The following PXDN variants were observed in gnomAD, a reference collection of about 807,000 sequenced individuals.
PXDN encodes the protein peroxidasin homolog.
PXDN carries 77 observed loss-of-function variants against 140.3 expected under a neutral mutation model. The observed-to-expected ratio is 0.55, with a 90% CI of 0.46 to 0.66. The LOEUF is 0.66. Among genes scored for constraint, PXDN ranks in the 30% least tolerant of loss-of-function variants. The pLI, the probability that PXDN is intolerant of heterozygous loss-of-function variation, is 0.00. For missense variants in PXDN, 1,838 were observed against 2,039.5 expected, an observed-to-expected ratio of 0.90 and a Z score of 1.90; for synonymous variants, 911 against 857.4, an observed-to-expected ratio of 1.06 and a Z score of -1.09.
intron 1 of PXDN, among the ~76,000 whole-genome samples, chr2:1,706,973 G>A (rs1053248185): frequency 7.2e-6 from 1 of 138,416 alleles, no homozygotes; most frequent in South Asian, 2.5e-4. Flanking sequence ...CCGAGAGCAC[G>A]CTTCACTGTT....
intron 22 of PXDN, among the ~76,000 whole-genome samples, chr2:1,634,803 A>G (rs1202950233): frequency 6.6e-6 from 1 of 152,174 alleles, no homozygotes; most frequent in Non-Finnish European, 1.5e-5. Flanking sequence ...CCCAATGGCC[A>G]TGGCAAGAGA....
At chr2:1,743,663 G>A (rs1372476532) in intron 1 of PXDN, among the ~76,000 whole-genome samples, 1 of 128,996 alleles carries the variant, frequency 7.8e-6, no homozygotes, top group Non-Finnish European at 1.7e-5. Context: ...AGGAGGAGGG[G>A]AAGGGAGGAG....
Position 1,654,409 on chromosome 2 carries a change from A to C in PXDN, c.1937T>G (p.Leu646Trp). ...DRAINSTRTH[L>W]FDSRPRSPND... ...TACAGCCCCACGATACCTGTCAAACAAATGTGTTCGGGTTGAGTTTATAGC... is the reference window on the plus strand; with the variant it reads ...TACAGCCCCACGATACCTGTCAAACCAATGTGTTCGGGTTGAGTTTATAGC... Residue 646 changes from leucine to tryptophan, a missense_variant, in exon 15 of 23, where the codon TTG becomes TGG. Around this residue, in one of 5 missense-constraint regions of PXDN, gnomAD observed 537 missense variants for 583.9 expected, o/e 0.92. Transcript: ENST00000252804. 6.2e-7 allele frequency: 1 copy of C among 1,612,228 alleles called. No individual in the cohort carries two copies. The highest frequency in any genetic ancestry group is 8.5e-7 in the Non-Finnish European group (1 of 1,178,268).
chr2:1,742,135 G>A (rs1685558479), intron 1 of PXDN, among the ~76,000 whole-genome samples: 1 of 152,220 alleles, frequency 6.6e-6, no homozygotes, highest in Admixed American at 6.5e-5. Flanking sequence ...CTGGCCACCA[G>A]CGCTACGCTC....
chr2:1,654,754 T>C (rs867917811), intron 14 of PXDN, among the ~76,000 whole-genome samples: 6 of 152,210 alleles, frequency 3.9e-5, no homozygotes. Context: ...GAAGTAGTTA[T>C]AATGTGAAGC....
At chr2:1,647,251 GA>G (rs924874313) in intron 17 of PXDN, among the ~76,000 whole-genome samples, 1 of 151,882 alleles carries the variant, frequency 6.6e-6, no homozygotes, top group Middle Eastern at 3.4e-3. Flanking sequence ...GAAATAACAT[GA>G]AAAAAAAGGT....
At chr2:1,666,913 A>G (rs1311092261) in intron 9 of PXDN, among the ~76,000 whole-genome samples, 3 of 152,240 alleles carry the variant, frequency 2.0e-5, no homozygotes, top group Non-Finnish European at 4.4e-5. Flanking sequence ...AATGCAAATT[A>G]AAAGTAAGCA....
chr2:1,654,010 G>A (rs1483258810), intron 15 of PXDN: 1 of 555,092 alleles, frequency 1.8e-6, no homozygotes, highest in Non-Finnish European at 3.1e-6. Flanking sequence ...TAAGTCAATA[G>A]AGAAAATCAC....
intron 9 of PXDN, among the ~76,000 whole-genome samples, chr2:1,671,857 G>A (rs1683586025): frequency 6.6e-6 from 1 of 152,166 alleles, no homozygotes; most frequent in South Asian, 2.1e-4. Flanking sequence ...CTCTGCCATG[G>A]TAGCATACAA....
chr2:1,744,150 G>A (rs1685631678), intron 1 of PXDN, 106 bp downstream of exon 1: 1 of 920,406 alleles, frequency 1.1e-6, no homozygotes, highest in Non-Finnish European at 1.4e-6. Context: ...CCGCGCGCCC[G>A]ATGCCCCCTC....
chr2:1,681,727 G>A (rs775138459), intron 6 of PXDN, among the ~76,000 whole-genome samples: 157 of 152,206 alleles, frequency 1.0e-3, no homozygotes, highest in Non-Finnish European at 2.0e-3. Context: ...TGTCAGCCAC[G>A]TGCCCAGGGC....
chr2:1,744,238 G>A lies in PXDN; in HGVS notation c.200+18C>T. ...AAGCCCCGGACCCCGCGCCCCCGGC[G>A]TCCCCCGCGGCACTCACAGGATGGA... On this transcript the variant is annotated intron_variant, in intron 1 of 22. Transcript: ENST00000252804. 2 of 1,464,968 alleles carry A rather than the reference G, an allele frequency of 1.4e-6. No homozygotes were observed. Among genetic ancestry groups the A allele is most frequent in the Non-Finnish European group, 9.0e-7 (1 of 1,110,382 alleles). The allele number at this position is 1,464,968 out of a possible 1,614,324, so 90.7% of individuals were successfully genotyped here.
intron 1 of PXDN, among the ~76,000 whole-genome samples, chr2:1,726,669 A>T (rs1685193733): frequency 6.6e-6 from 1 of 152,182 alleles, no homozygotes; most frequent in Admixed American, 6.5e-5. Flanking sequence ...ACTGAGCTGT[A>T]TGAGTTCCTT....
chr2:1,635,743 A>G (rs930792297), intron 21 of PXDN: 24 of 540,618 alleles, frequency 4.4e-5, no homozygotes, highest in Non-Finnish European at 8.0e-5. Context: ...GTGCTGTCAA[A>G]TAAAAACCGT....
chr2:1,743,690 AGG>A (rs1685607237), intron 1 of PXDN, among the ~76,000 whole-genome samples: 1 of 23,860 alleles, frequency 4.2e-5, no homozygotes, highest in African/African-American at 1.7e-4. Context: ...GAAGGGGAGG[AGG>A]AGGAGGAAGG....
intron 1 of PXDN, among the ~76,000 whole-genome samples, chr2:1,731,774 G>C (rs568474919): frequency 1.3e-5 from 2 of 152,176 alleles, no homozygotes; most frequent in Admixed American, 1.3e-4. Flanking sequence ...ACATTTGCAC[G>C]GGGTTTTGTG....
rs1437076424 is a variant in PXDN at position 1,649,527 on chromosome 2, C to A, written c.2253G>T (p.Leu751=). ...YRTHDGTCNN[L]QHPMWGASLT... Reference sequence around the variant, plus strand: ...GCGAGGCGCCCCACATGGGGTGCTGCAGGTTGTTACAGGTGCCGTCGTGCG... The same window carrying A: ...GCGAGGCGCCCCACATGGGGTGCTGAAGGTTGTTACAGGTGCCGTCGTGCG... Residue 751 remains leucine (L), a synonymous_variant, in exon 17 of 23, where the codon CTG becomes CTT. Coordinates refer to ENST00000252804, the MANE Select transcript of PXDN (RefSeq NM_012293.3). This position sits in a 1 kb window ranked among gnomAD's most constrained non-coding sequence, Gnocchi z 7.1. 1 of 1,613,884 alleles carries A rather than the reference C, an allele frequency of 6.2e-7. No individual in the cohort carries two copies. Among genetic ancestry groups the A allele is most frequent in the Non-Finnish European group, 8.5e-7 (1 of 1,179,902 alleles).
At chr2:1,683,854 A>G in intron 5 of PXDN, 127 bp from the exon 6 acceptor site, 1 of 903,906 alleles carries the variant, frequency 1.1e-6, no homozygotes, top group East Asian at 2.7e-5. Context: ...TATTTAATAC[A>G]AATGAATCTG....
In PXDN at chr2:1,665,055, C is replaced by T. The variant is rs767928775; in HGVS notation, c.1311G>A (p.Val437=). The change falls in exon 11 of 23, where the codon GTG becomes GTA. Residue 437 remains valine, a synonymous_variant. Coordinates refer to ENST00000252804, the MANE Select transcript of PXDN (RefSeq NM_012293.3). ...CAATAACGACTCTGTCCTGAGGCGT[C>T]ACAGTGAACTGAGGAAGAGCTTCCG... is the stretch of plus-strand genomic sequence containing the variant. ...IIVQALPQFT[V]TPQDRVVIEG... The T allele has an allele frequency of 1.2e-6, 2 of 1,608,668 alleles. No homozygotes were observed. The highest frequency in any genetic ancestry group is 3.4e-5 in the Admixed American group (2 of 59,578).
Sources: allele counts gnomAD v4.1 joint callset (sites outside exome capture counted in the v4.1 genomes callset), GRCh38; gene constraint gnomAD v4.1.1; regional missense constraint gnomAD v4.1.1; non-coding constraint Gnocchi (gnomAD v3.1); transcripts MANE v1.5; gene names NCBI Gene and HGNC (gene_info 2026-07-23, HGNC 2026-07-21).